The following FRMPD4 variants were observed in gnomAD, a reference collection of about 807,000 sequenced individuals.
The protein encoded by FRMPD4 is FERM and PDZ domain-containing protein 4.
Under a neutral mutation model 94.1 loss-of-function variants are expected in FRMPD4, and 22 were observed. The observed-to-expected ratio is 0.23, with a 90% CI of 0.17 to 0.33. FRMPD4 has a LOEUF of 0.33. FRMPD4 is among the 10% of genes least tolerant of loss of function. FRMPD4 has a pLI of 1.00. For missense variants in FRMPD4, 1,111 were observed against 1,339.9 expected, an observed-to-expected ratio of 0.83 and a Z score of 2.67; for synonymous variants, 631 against 548.6, an observed-to-expected ratio of 1.15 and a Z score of -2.10.
intron 2 of FRMPD4, among the ~76,000 whole-genome samples, chrX:12,578,580 GTGTT>G (rs2058834360): frequency 9.0e-6 from 1 of 111,729 alleles, no homozygotes; most frequent in Non-Finnish European, 1.9e-5. Context: ...ACTGTATAGT[GTGTT>G]TGTGTGTTTA....
At chrX:12,439,579 G>T (rs1018838724) in intron 1 of FRMPD4, among the ~76,000 whole-genome samples, 2 of 111,647 alleles carry the variant, frequency 1.8e-5, no homozygotes, top group African/African-American at 3.3e-5. Flanking sequence ...CTGTCATGGT[G>T]TAACCGAAAC....
At chrX:12,532,764 T>A (rs191051447) in intron 2 of FRMPD4, among the ~76,000 whole-genome samples, 2 of 111,149 alleles carry the variant, frequency 1.8e-5, no homozygotes, top group Admixed American at 1.9e-4. Context: ...ATTGTTGTAA[T>A]TGGAGAAAGG....
intron 1 of FRMPD4, among the ~76,000 whole-genome samples, chrX:12,161,743 A>AAAT (rs1196790779): frequency 4.5e-5 from 5 of 111,930 alleles, no homozygotes; most frequent in Non-Finnish European, 9.4e-5. Context: ...CTGCATTTTA[A>AAAT]AATAATAATG....
intron 1 of FRMPD4, among the ~76,000 whole-genome samples, chrX:12,446,216 C>T (rs2057193420): frequency 8.9e-6 from 1 of 112,184 alleles, no homozygotes; most frequent in African/African-American, 3.2e-5. Context: ...TACATATGTA[C>T]ATATTTATAA....
chrX:12,672,626 C>A (rs776525328), intron 4 of FRMPD4, among the ~76,000 whole-genome samples: 1 of 111,418 alleles, frequency 9.0e-6, no homozygotes, highest in African/African-American at 3.3e-5. Context: ...GAAAATCTTG[C>A]GGCACCCTTC....
chrX:12,131,440 A>C (rs970559013), intron 3 of FRMPD4, among the ~76,000 whole-genome samples: 1 of 111,953 alleles, frequency 8.9e-6, no homozygotes, highest in African/African-American at 3.2e-5. Flanking sequence ...CAGGACATGC[A>C]CATTTATTTT....
At position 12,534,448 on chromosome X, in the gene FRMPD4, G is replaced by A. The variant is rs1359624863; in HGVS notation, c.158+35652G>A. Among the ~76,000 whole-genome samples the A allele has an allele frequency of 5.4e-5, 6 of 112,014 alleles. 1 individual carries two copies. Among genetic ancestry groups the A allele is most frequent in the Non-Finnish European group, 9.4e-5 (5 of 53,167 alleles). Reference sequence around the variant, plus strand: ...CCCACCATCCTTCAGACCCCAGAATGGTAGATCCACTGACAGCTTGCACCA... The same window carrying A: ...CCCACCATCCTTCAGACCCCAGAATAGTAGATCCACTGACAGCTTGCACCA... On this transcript the variant is annotated intron_variant, in intron 2 of 16. Coordinates refer to ENST00000675598, the MANE Select transcript of FRMPD4 (RefSeq NM_001368397.1).
chrX:12,153,896 A>T (rs1166477769), intron 1 of FRMPD4, among the ~76,000 whole-genome samples: 2 of 112,910 alleles, frequency 1.8e-5, no homozygotes, highest in Non-Finnish European at 3.7e-5. Context: ...TGAAAATTAT[A>T]TGAAATTCAA....
intron 1 of FRMPD4, among the ~76,000 whole-genome samples, chrX:12,201,680 G>C (rs972529642): frequency 2.7e-5 from 3 of 112,060 alleles, no homozygotes; most frequent in African/African-American, 9.7e-5. Flanking sequence ...CTAATGAGCA[G>C]TTCCTGGGTG....
intron 2 of FRMPD4, among the ~76,000 whole-genome samples, chrX:12,546,348 T>A (rs2058476167): frequency 9.0e-6 from 1 of 111,082 alleles, no homozygotes; most frequent in African/African-American, 3.3e-5. Flanking sequence ...CGGCTAATCT[T>A]TGTATTTTTC....
rs140212184 is a variant in FRMPD4 at position 12,421,355 on chromosome X, A to G, written c.42-77325A>G. Among the ~76,000 whole-genome samples, 201 of 112,315 alleles carry G rather than the reference A, an allele frequency of 1.8e-3. No individual in the cohort carries two copies. The Middle Eastern group carries it at 0.018, about 10-fold the overall frequency. ...GTAACTACAGAAGTTACCACAACAC[A>G]TATGTTCTAATCAAATAATATTGGT... On this transcript the variant is annotated intron_variant, in intron 1 of 16. Transcript: ENST00000675598.
At chrX:11,863,049 G>T (rs2053697833) in intron 1 of FRMPD4, among the ~76,000 whole-genome samples, 2 of 101,475 alleles carry the variant, frequency 2.0e-5, no homozygotes, top group Admixed American at 2.3e-4. Context: ...CAACGTGCAG[G>T]TTTGTTACAT....
At chrX:12,412,616 C>T (rs1273563949) in intron 1 of FRMPD4, among the ~76,000 whole-genome samples, 1 of 112,372 alleles carries the variant, frequency 8.9e-6, no homozygotes, top group African/African-American at 3.2e-5. Context: ...AACTCAGCCA[C>T]AGCCTGTTGT....
intron 2 of FRMPD4, among the ~76,000 whole-genome samples, chrX:11,877,505 A>G (rs867285544): frequency 8.1e-5 from 9 of 111,669 alleles, no homozygotes; most frequent in African/African-American, 2.9e-4. Context: ...TTCTAACTGC[A>G]CCGGGTTGTC....
chrX:12,373,306 TA>T (rs1305341146), intron 1 of FRMPD4: 6 of 112,207 alleles, frequency 5.3e-5, no homozygotes, highest in Non-Finnish European at 9.4e-5. Flanking sequence ...CCTGGGTGTT[TA>T]AAAATTCAAA....
At chrX:12,026,607 A>G (rs895211170) in intron 3 of FRMPD4, among the ~76,000 whole-genome samples, 5 of 112,203 alleles carry the variant, frequency 4.5e-5, no homozygotes, top group Non-Finnish European at 7.5e-5. Flanking sequence ...TGATAAAGCT[A>G]TGCATGTGCC....
chrX:12,540,904 G>A (rs2058402403), intron 2 of FRMPD4, among the ~76,000 whole-genome samples: 1 of 112,106 alleles, frequency 8.9e-6, no homozygotes, highest in Non-Finnish European at 1.9e-5. Context: ...AGACCACAGT[G>A]CAATCAAACT....
rs2042243523 is a variant in FRMPD4 at position 12,721,696 on chromosome X, T to C, written c.5127T>C (p.Asp1709=). 2 of 751,949 alleles carry C rather than the reference T, an allele frequency of 2.7e-6. No individual in the cohort carries two copies. Among genetic ancestry groups the C allele is most frequent in the African/African-American group, 4.7e-5 (2 of 42,952 alleles). 62.0% of individuals were successfully genotyped at this position (751,949 alleles called of 1,213,427 possible). ...TQRQEIVGKI[D]EVVINYICLL... The stretch of plus-strand genomic sequence containing the variant: ...GGCAGGAAATTGTAGGGAAGATCGA[T>C]GAAGTGGTCATAAATTACATTTGTC... Residue 1709 remains aspartate (D), a synonymous_variant, in exon 17 of 17, where the codon GAT becomes GAC. Coordinates refer to ENST00000675598, the MANE Select transcript of FRMPD4 (RefSeq NM_001368397.1).
At chrX:11,884,462 G>A (rs893954879) in intron 3 of FRMPD4, among the ~76,000 whole-genome samples, 5 of 111,586 alleles carry the variant, frequency 4.5e-5, no homozygotes, top group African/African-American at 6.5e-5. Context: ...GCCATACTGC[G>A]CAGAAAGTCT....
Sources: allele counts gnomAD v4.1 joint callset (sites outside exome capture counted in the v4.1 genomes callset), GRCh38; gene constraint gnomAD v4.1.1; transcripts MANE v1.5; gene names NCBI Gene and HGNC (gene_info 2026-07-23, HGNC 2026-07-21).